Variants in CRIP3 observed in about 807,000 individuals in gnomAD.
The protein encoded by CRIP3 is cysteine-rich protein 3.
A neutral mutation model predicts 30.3 loss-of-function variants in CRIP3; 23 were observed. The observed-to-expected ratio is 0.76, with a 90% CI of 0.55 to 1.08. The LOEUF is 1.08. Among genes scored for constraint, CRIP3 ranks in the 50% least tolerant of loss-of-function variants. The pLI is 0.00. For missense variants in CRIP3, 261 were observed against 259.3 expected, an observed-to-expected ratio of 1.01 and a Z score of -0.04; for synonymous variants, 89 against 97.6, an observed-to-expected ratio of 0.91 and a Z score of 0.52.
At chr6:43,306,661 C>G (rs377275972) in intron 4 of CRIP3, 144 bp from the exon 5 acceptor site, 19 of 661,262 alleles carry the variant, frequency 2.9e-5, no homozygotes, top group East Asian at 2.2e-4. Flanking sequence ...TTCTACAGGC[C>G]CAGAGCTGAG....
chr6:43,308,298 C>T lies in CRIP3; in HGVS notation c.138+17G>A. ...GCAGTGATGTAAACAGGGCAGTGCT[C>T]CCTGGCCAGGTCTTACCTCTGCATG... On this transcript the variant is annotated intron_variant, in intron 2 of 7. Coordinates refer to ENST00000372569, the MANE Select transcript of CRIP3 (RefSeq NM_206922.3). 1.3e-6 allele frequency: 2 copies of T among 1,598,600 alleles called. No individual in the cohort carries two copies. Among genetic ancestry groups the T allele is most frequent in the Non-Finnish European group, 1.7e-6 (2 of 1,170,604 alleles).
intron 7 of CRIP3, 36 bp downstream of exon 7, chr6:43,306,031 A>G: frequency 6.2e-7 from 1 of 1,608,966 alleles, no homozygotes; most frequent in African/African-American, 1.3e-5. Flanking sequence ...TCAGGCATGT[A>G]CATGCCATCC....
In CRIP3 at chr6:43,305,649, G is replaced by T; in HGVS notation, c.*165C>A. On this transcript the variant is annotated 3_prime_UTR_variant, in exon 8 of 8. Coordinates refer to ENST00000372569, the MANE Select transcript of CRIP3 (RefSeq NM_206922.3). The stretch of plus-strand genomic sequence containing the variant: ...ATAGAAATGGGAAAGGGAAAAAATT[G>T]GCAGAGAAAGTCTAGACTCTCTGGC... 1 of 828,652 alleles carries T rather than the reference G, an allele frequency of 1.2e-6. No homozygotes were observed. Among genetic ancestry groups the T allele is most frequent in the Non-Finnish European group, 1.9e-6 (1 of 515,666 alleles). The allele number at this position is 828,652 out of a possible 1,614,324, so 51.3% of individuals were successfully genotyped here.
At position 43,305,758 on chromosome 6, in the gene CRIP3, G is replaced by C. The variant is rs1778911237; in HGVS notation, c.*56C>G. 6.2e-7 allele frequency: 1 copy of C among 1,603,858 alleles called. No homozygotes were observed. The highest frequency in any genetic ancestry group is 8.5e-7 in the Non-Finnish European group (1 of 1,171,180). On this transcript the variant is annotated 3_prime_UTR_variant, in exon 8 of 8. Coordinates refer to ENST00000372569, the MANE Select transcript of CRIP3 (RefSeq NM_206922.3). ...CTGGAGATTTTTGTAGCTTCCATTG[G>C]ACCATGAGGGGCATGATGGGAGGCC...
At chr6:43,307,999 G>T in intron 2 of CRIP3, 103 bp from the exon 3 acceptor site, 4 of 1,287,848 alleles carry the variant, frequency 3.1e-6, no homozygotes, top group Non-Finnish European at 4.4e-6. Flanking sequence ...TCCACTGGCT[G>T]AGTCTGGTGG....
At chr6:43,306,402 G>A (rs1778933128) in intron 5 of CRIP3, 44 bp downstream of exon 5, 8 of 1,520,710 alleles carry the variant, frequency 5.3e-6, no homozygotes, top group Non-Finnish European at 6.4e-6. Context: ...CCCCCTTGCT[G>A]CCCACCCTGT....
Position 43,307,864 on chromosome 6 carries a change from G to C in CRIP3, c.171C>G (p.Cys57Trp), listed in dbSNP as rs761559938. 6.2e-7 allele frequency: 1 copy of C among 1,613,978 alleles called. No homozygotes were observed. The highest frequency in any genetic ancestry group is 8.5e-7 in the Non-Finnish European group (1 of 1,180,022). Residue 57 changes from cysteine (C) to tryptophan (W), a missense_variant, in exon 3 of 8, where the codon TGC becomes TGG. By Grantham distance (215) the Cys-to-Trp change is radical. Coordinates refer to ENST00000372569, the MANE Select transcript of CRIP3 (RefSeq NM_206922.3). ...HNGRPYCHKP[C>W]YGALFGPRGV... ...CCCTGGGTCCAAAGAGAGCCCCATA[G>C]CATGGCTTGTGGCAGTATGGCCTCC...
chr6:43,308,621 C>T, intron 1 of CRIP3, 129 bp downstream of exon 1: 3 of 1,178,050 alleles, frequency 2.5e-6, no homozygotes, highest in East Asian at 2.4e-5. Flanking sequence ...GCGGGTGGTG[C>T]GGAGACTACC....
At chr6:43,307,231 C>T (rs1364101801) in intron 4 of CRIP3, 1 of 147,262 alleles carries the variant, frequency 6.8e-6, no homozygotes, top group Non-Finnish European at 1.5e-5. Context: ...CCTCCGCCTC[C>T]TGGGTTCAAA....
chr6:43,307,788 A>G, intron 3 of CRIP3, 45 bp from the exon 4 acceptor site: 2 of 1,609,590 alleles, frequency 1.2e-6, no homozygotes, highest in Non-Finnish European at 1.7e-6. Flanking sequence ...CCCAGCTCCC[A>G]GCCACAAGGA....
Position 43,307,623 on chromosome 6 carries a change from TG to T in CRIP3, c.316del (p.Gln106LysfsTer9). The T allele has an allele frequency of 6.8e-7, 1 of 1,468,954 alleles. No homozygotes were observed. 91.0% of individuals were successfully genotyped at this position (1,468,954 alleles called of 1,614,324 possible). A position where few individuals can be genotyped will look rare whatever the true frequency, so the allele number is the denominator to read the frequency against. On this transcript the variant is annotated frameshift_variant, in exon 4 of 8. Coordinates refer to ENST00000372569, the MANE Select transcript of CRIP3 (RefSeq NM_206922.3). LOFTEE classifies it high-confidence loss of function. Reference sequence around the variant, plus strand: ...GAGCCCAGCCTTACTTTTCTTGCCTTGGGGGAGGCCAGTCCTTGGCCTGGGA... The same window carrying T: ...GAGCCCAGCCTTACTTTTCTTGCCTTGGGGAGGCCAGTCCTTGGCCTGGGA... Reference protein sequence around the residue: ...SPPRPRTGLPQGKKSPPHMKT... With the variant: ...SPPRPRTGLPXGKKSPPHMKT...
chr6:43,308,032 G>A (rs1225020066), intron 2 of CRIP3, 136 bp from the exon 3 acceptor site: 19 of 942,940 alleles, frequency 2.0e-5, no homozygotes, highest in African/African-American at 4.9e-5. Flanking sequence ...TGGGGGATGG[G>A]CTGGCATGCC....
Position 43,308,763 on chromosome 6 carries a change from TTG to T in CRIP3, c.28_29del (p.Gln10ThrfsTer6). 1 of 1,613,452 alleles carries T rather than the reference TTG, an allele frequency of 6.2e-7. No individual in the cohort carries two copies. The highest frequency in any genetic ancestry group is 8.5e-7 in the Non-Finnish European group (1 of 1,179,940). On this transcript the variant is annotated frameshift_variant, in exon 1 of 8. Coordinates refer to ENST00000372569, the MANE Select transcript of CRIP3 (RefSeq NM_206922.3). LOFTEE classifies it high-confidence loss of function. MSWTCPRCQ[Q>X]PVFFAEKVSS... is the part of the protein sequence containing the mutation. ...CCCGGGCCTCACCGAAGAAAACAGGTTGCTGGCAACGCGGACAGGTCCAGCTC... is the reference window on the plus strand; with the variant it reads ...CCCGGGCCTCACCGAAGAAAACAGGTCTGGCAACGCGGACAGGTCCAGCTC...
chr6:43,306,259 T>C lies in CRIP3; in HGVS notation c.455A>G (p.Gln152Arg). The C allele has an allele frequency of 6.2e-7, 1 of 1,614,188 alleles. No individual in the cohort carries two copies. Among genetic ancestry groups the C allele is most frequent in the Non-Finnish European group, 8.5e-7 (1 of 1,180,026 alleles). Reference protein sequence around the residue: ...RNWHRPCLRCQRCHKTLTAGS... With the variant: ...RNWHRPCLRCRRCHKTLTAGS... ...AGCAGTCAGGGTCTTGTGGCAACGC[T>C]GGCACCTCAGACACGGTCGGTGCCA... Residue 152 changes from glutamine (Q) to arginine (R), a missense_variant, in exon 6 of 8, where the codon CAG becomes CGG. Coordinates refer to ENST00000372569, the MANE Select transcript of CRIP3 (RefSeq NM_206922.3).
In CRIP3 at chr6:43,305,904, C is replaced by T. The variant is rs762028136; in HGVS notation, c.554-29G>A. The T allele has an allele frequency of 7.4e-6, 12 of 1,614,030 alleles. No homozygotes were observed. The South Asian group carries it at 9.9e-5, about 13-fold the overall frequency. ...AGAGAGAGAGCCCTATCACCAAAGG[C>T]CCTGGGTCTGTGGTGCAGGGTTCAG... On this transcript the variant is annotated intron_variant, in intron 7 of 7. Transcript: ENST00000372569.
intron 3 of CRIP3, 34 bp from the exon 4 acceptor site, chr6:43,307,777 C>T: frequency 6.2e-7 from 1 of 1,608,860 alleles, no homozygotes; most frequent in African/African-American, 1.3e-5. Flanking sequence ...AGGCTTGAGC[C>T]CCCAGCTCCC....
rs367639848 is a variant in CRIP3, at chr6:43,308,346, T to C, written c.107A>G (p.His36Arg). ...HRFCLKCERC[H>R]SILSPGGHAE... is the part of the protein sequence containing the mutation. ...ATGCCCGCCAGGGGACAGGATGCTG[T>C]GGCAGCGCTCACATTTCAGGCAGAA... is the stretch of plus-strand genomic sequence containing the variant. The change falls in exon 2 of 8, where the codon CAC becomes CGC. Residue 36 changes from histidine to arginine, a missense_variant. Physicochemically the swap from His to Arg is conservative, Grantham distance 29. Transcript: ENST00000372569. 1.9e-6 allele frequency: 3 copies of C among 1,612,484 alleles called. No individual in the cohort carries two copies. The highest frequency in any genetic ancestry group is 2.5e-6 in the Non-Finnish European group (3 of 1,179,622).
At position 43,308,763 on chromosome 6, in the gene CRIP3, T is replaced by C. The variant is rs1779000036; in HGVS notation, c.30A>G (p.Gln10=). Residue 10 remains glutamine, a synonymous_variant, in exon 1 of 8, where the codon CAA becomes CAG. Transcript: ENST00000372569. ...CCCGGGCCTCACCGAAGAAAACAGGTTGCTGGCAACGCGGACAGGTCCAGC... is the reference window on the plus strand; with the variant it reads ...CCCGGGCCTCACCGAAGAAAACAGGCTGCTGGCAACGCGGACAGGTCCAGC... MSWTCPRCQ[Q]PVFFAEKVSS... is the part of the protein sequence containing the mutation. 1 of 1,613,452 alleles carries C rather than the reference T, an allele frequency of 6.2e-7. No homozygotes were observed. The highest frequency in any genetic ancestry group is 2.2e-5 in the East Asian group (1 of 44,706).
intron 4 of CRIP3, chr6:43,307,028 C>T (rs1778950559): frequency 6.4e-6 from 1 of 156,642 alleles, no homozygotes; most frequent in African/African-American, 2.4e-5. Flanking sequence ...AGCTTTGCCT[C>T]TGACTAGCTT....
Sources: gnomAD v4.1 joint callset for allele counts on GRCh38, gnomAD v4.1.1 for gene constraint, MANE v1.5 for transcripts, NCBI Gene and HGNC (gene_info 2026-07-23, HGNC 2026-07-21) for gene names.